The following PAPPA variants were observed in gnomAD, a reference collection of about 807,000 sequenced individuals.
The protein encoded by PAPPA is pappalysin 1.
In PAPPA, 60 loss-of-function variants were observed where a neutral mutation model predicts 164.0. That is an observed-to-expected ratio of 0.37 (90% CI 0.30 to 0.45). The LOEUF (loss-of-function observed/expected upper bound fraction) is 0.45. PAPPA is among the 20% of genes least tolerant of loss of function. The pLI, the probability that PAPPA is intolerant of heterozygous loss-of-function variation, is 1.00. For synonymous variants in PAPPA, 875 were observed against 814.1 expected, an observed-to-expected ratio of 1.07 and a Z score of -1.27; for missense variants, 1,782 against 2,087.3, an observed-to-expected ratio of 0.85 and a Z score of 2.85.
At chr9:116,333,663 A>G (rs531194447) in intron 12 of PAPPA, among the ~76,000 whole-genome samples, 1 of 152,350 alleles carries the variant, frequency 6.6e-6, no homozygotes, top group African/African-American at 2.4e-5. Flanking sequence ...TGAATAAGGA[A>G]GAGAAAGAAA....
In PAPPA at chr9:116,227,542, T is replaced by C. The variant is rs1339954131; in HGVS notation, c.2223T>C (p.Arg741=). The C allele has an allele frequency of 6.2e-7, 1 of 1,613,876 alleles. No homozygotes were observed. Among genetic ancestry groups the C allele is most frequent in the Non-Finnish European group, 8.5e-7 (1 of 1,179,958 alleles). Residue 741 remains arginine, a synonymous_variant, in exon 6 of 22, where the codon CGT becomes CGC. Transcript: ENST00000328252. ...PCSPSGHWSP[R]EAEGHPDVEQ... Reference sequence around the variant, plus strand: ...GCCCATCAGGACACTGGAGCCCTCGTGAAGCAGAAGGTAAGCCAGCCTTCT... The same window carrying C: ...GCCCATCAGGACACTGGAGCCCTCGCGAAGCAGAAGGTAAGCCAGCCTTCT...
At chr9:116,361,433 C>T (rs1846425598) in intron 17 of PAPPA, among the ~76,000 whole-genome samples, 1 of 152,164 alleles carries the variant, frequency 6.6e-6, no homozygotes, top group Non-Finnish European at 1.5e-5. Context: ...GTTACCAGCT[C>T]ATCTTCCCCT....
rs1422000097 is a variant in PAPPA at position 116,207,564 on chromosome 9, A to G, written c.1587A>G (p.Ala529=). Residue 529 remains alanine, a synonymous_variant, in exon 3 of 22, where the codon GCA becomes GCG. Transcript: ENST00000328252. ...CAGAGGAGGAGTTGGCAGGAGTAGCAACTTGGCCATGGGACAAGGAGGCCC... is the reference window on the plus strand; with the variant it reads ...CAGAGGAGGAGTTGGCAGGAGTAGCGACTTGGCCATGGGACAAGGAGGCCC... ...KSSEEELAGV[A]TWPWDKEALM... The G allele has an allele frequency of 6.2e-7, 1 of 1,613,510 alleles. No homozygotes were observed. The highest frequency in any genetic ancestry group is 2.2e-5 in the East Asian group (1 of 44,880).
intron 1 of PAPPA, among the ~76,000 whole-genome samples, chr9:116,178,570 TAA>T (rs923305862): frequency 6.6e-6 from 1 of 152,188 alleles, no homozygotes; most frequent in African/African-American, 2.4e-5. Context: ...ATCAAGGAGA[TAA>T]AGAGATTTTG....
chr9:116,298,607 A>T (rs766631687), intron 9 of PAPPA, among the ~76,000 whole-genome samples: 1 of 152,216 alleles, frequency 6.6e-6, no homozygotes, highest in Non-Finnish European at 1.5e-5. Context: ...GAAAATAGTC[A>T]AAGGGTACAG....
At chr9:116,348,138 A>C (rs1846235481) in intron 15 of PAPPA, among the ~76,000 whole-genome samples, 1 of 152,094 alleles carries the variant, frequency 6.6e-6, no homozygotes, top group Admixed American at 6.5e-5. Context: ...TGGTGATCCC[A>C]ACTTTGCTTT....
At chr9:116,218,235 C>T (rs935819634) in intron 4 of PAPPA, among the ~76,000 whole-genome samples, 2 of 152,146 alleles carry the variant, frequency 1.3e-5, no homozygotes, top group East Asian at 3.9e-4. Flanking sequence ...TTTAAGGCAG[C>T]TTCTGCATAG....
At chr9:116,180,364 A>G (rs1271442227) in intron 1 of PAPPA, among the ~76,000 whole-genome samples, 4 of 152,078 alleles carry the variant, frequency 2.6e-5, no homozygotes, top group Non-Finnish European at 5.9e-5. Context: ...GATGAGAGTT[A>G]GAATTGTGAT....
At position 116,352,782 on chromosome 9, in the gene PAPPA, C is replaced by T. The variant is rs1230651441; in HGVS notation, c.4041C>T (p.Leu1347=). The T allele has an allele frequency of 5.0e-6, 8 of 1,613,818 alleles. No homozygotes were observed. The highest frequency in any genetic ancestry group is 3.3e-5 in the Admixed American group (2 of 59,994). Residue 1347 remains leucine (L), a synonymous_variant, in exon 16 of 22, where the codon CTC becomes CTT. Coordinates refer to ENST00000328252, the MANE Select transcript of PAPPA (RefSeq NM_002581.5). ...FPEALCELMC[L]APPPVPNADL... is the part of the protein sequence containing the mutation. ...AGGCCCTGTGTGAGCTCATGTGCCTCGCTCCACCCCCTGTGCCCAATGCAG... is the reference window on the plus strand; with the variant it reads ...AGGCCCTGTGTGAGCTCATGTGCCTTGCTCCACCCCCTGTGCCCAATGCAG...
chr9:116,198,244 G>A (rs1230452294), intron 2 of PAPPA, among the ~76,000 whole-genome samples: 2 of 152,196 alleles, frequency 1.3e-5, no homozygotes, highest in Admixed American at 1.3e-4. Context: ...TTACTACTGT[G>A]TTGCTTTTGA....
chr9:116,312,291 T>TC (rs202228704), intron 10 of PAPPA, among the ~76,000 whole-genome samples: 3,582 of 145,822 alleles, frequency 0.025, 53 homozygotes, highest in Non-Finnish European at 0.038. Context: ...TTTCTTTCTT[T>TC]TTTTTTTTTT....
chr9:116,173,389 T>A (rs1369512441), intron 1 of PAPPA, among the ~76,000 whole-genome samples: 1 of 152,200 alleles, frequency 6.6e-6, no homozygotes, highest in Non-Finnish European at 1.5e-5. Flanking sequence ...ACAGGAGTCC[T>A]GAGACTTTAG....
rs114134073 is a variant in PAPPA at position 116,220,258 on chromosome 9, C to G, written c.2111+129C>G. On this transcript the variant is annotated intron_variant, in intron 5 of 21. Coordinates refer to ENST00000328252, the MANE Select transcript of PAPPA (RefSeq NM_002581.5). ...TGTTCTTGTTCAAAAGGTATCTCCA[C>G]CACCTAGCATGTTGTAAATTTGGGA... The G allele has an allele frequency of 2.4e-3, 1,493 of 635,042 alleles. 18 individuals carry two copies. The African/African-American group carries it at 0.025, about 10-fold the overall frequency. 39.3% of individuals were successfully genotyped at this position (635,042 alleles called of 1,614,324 possible).
In PAPPA at chr9:116,221,089, T is replaced by C. The variant is rs114447418; in HGVS notation, c.2111+960T>C. 7.2e-3 allele frequency among the ~76,000 whole-genome samples: 1,095 copies of C among 152,170 alleles called. 16 individuals are homozygous for C. Among genetic ancestry groups the C allele is most frequent in the African/African-American group, 0.025 (1,052 of 41,518 alleles). ...ATGGCCTTGAGCAAGTCACTTTCTGTCTCTGAGCCTGATTCTCCCTTCCCT... is the reference window on the plus strand; with the variant it reads ...ATGGCCTTGAGCAAGTCACTTTCTGCCTCTGAGCCTGATTCTCCCTTCCCT... On this transcript the variant is annotated intron_variant, in intron 5 of 21. Transcript: ENST00000328252.
chr9:116,395,328 G>C (rs1846948709), intron 21 of PAPPA, among the ~76,000 whole-genome samples: 1 of 152,100 alleles, frequency 6.6e-6, no homozygotes. Flanking sequence ...AAAAAGAAGA[G>C]GTAGACATTG....
At chr9:116,184,188 CT>C (rs1843942050) in intron 1 of PAPPA, among the ~76,000 whole-genome samples, 1 of 152,184 alleles carries the variant, frequency 6.6e-6, no homozygotes, top group African/African-American at 2.4e-5. Context: ...CCAGGAACCT[CT>C]GCTCTCAACT....
chr9:116,195,558 TA>T (rs1031610123), intron 2 of PAPPA, among the ~76,000 whole-genome samples: 19 of 152,308 alleles, frequency 1.2e-4, no homozygotes, highest in African/African-American at 4.3e-4. Flanking sequence ...ACCTCCTCTG[TA>T]AAGTCAGGAA....
rs756224044 is a variant in PAPPA, at chr9:116,235,433, T to C, written c.2528T>C (p.Leu843Pro). ...TGTGATGTCCCACTGACCATCAGAC[T>C]CTGGGACGTGGGCGAGGAGGTGTAT... ...VFCDVPLTIR[L>P]WDVGEEVYGI... The change falls in exon 7 of 22, where the codon CTC becomes CCC. Residue 843 changes from leucine (L) to proline (P), a missense_variant. By Grantham distance (98) the Leu-to-Pro change is moderately conservative (BLOSUM62 -3). Coordinates refer to ENST00000328252, the MANE Select transcript of PAPPA (RefSeq NM_002581.5). The C allele has an allele frequency of 1.2e-6, 2 of 1,613,754 alleles. No individual in the cohort carries two copies. The highest frequency in any genetic ancestry group is 2.2e-5 in the East Asian group (1 of 44,820).
Position 116,364,817 on chromosome 9 carries a change from G to A in PAPPA, c.4495+2078G>A, listed in dbSNP as rs149075875. On this transcript the variant is annotated intron_variant, in intron 18 of 21. Transcript: ENST00000328252. ...CCCACTGAGTGTTTTCATGGTCAAAGCAGAAAGGGAAAGAAATCTATATGA... is the reference window on the plus strand; with the variant it reads ...CCCACTGAGTGTTTTCATGGTCAAAACAGAAAGGGAAAGAAATCTATATGA... Among the ~76,000 whole-genome samples the A allele has an allele frequency of 1.0e-3, 157 of 152,270 alleles. 3 individuals carry two copies. In the East Asian group the frequency reaches 0.029, roughly 28 times the overall value.
Sources: gnomAD v4.1 joint callset for allele counts (sites outside exome capture counted in the v4.1 genomes callset) on GRCh38, gnomAD v4.1.1 for gene constraint, MANE v1.5 for transcripts, NCBI Gene and HGNC (gene_info 2026-07-23, HGNC 2026-07-21) for gene names.